BST1: variants seen among roughly 807,000 people sequenced by gnomAD.
BST1 encodes the protein bone marrow stromal cell antigen 1.
In BST1, 49 loss-of-function variants were observed where a neutral mutation model predicts 40.6. That is an observed-to-expected ratio of 1.21 (90% CI 0.96 to 1.53). BST1 has a LOEUF of 1.53. Ranked by LOEUF, BST1 falls within the 40% of genes most tolerant of loss-of-function variation. BST1 has a pLI of 0.00. For synonymous variants in BST1, 157 were observed against 159.3 expected, an observed-to-expected ratio of 0.99 and a Z score of 0.11; for missense variants, 423 against 395.9, an observed-to-expected ratio of 1.07 and a Z score of -0.58.
chr4:15,742,719 G>C (rs1025549591), downstream of BST1, among the ~76,000 whole-genome samples: 1 of 152,248 alleles, frequency 6.6e-6, no homozygotes, highest in Non-Finnish European at 1.5e-5. Flanking sequence ...AGTGGGAATT[G>C]AGTTAGGGAT....
intron 4 of BST1, among the ~76,000 whole-genome samples, chr4:15,713,599 G>C (rs1391488939): frequency 1.3e-5 from 2 of 152,206 alleles, no homozygotes; most frequent in African/African-American, 4.8e-5. Context: ...TTATGGAACT[G>C]ACAAGTAGGG....
chr4:15,742,800 A>T (rs567508264), downstream of BST1, among the ~76,000 whole-genome samples: 1 of 152,336 alleles, frequency 6.6e-6, no homozygotes, highest in African/African-American at 2.4e-5. Flanking sequence ...CTGCTGGGGA[A>T]CTAAGGCATA....
At chr4:15,728,266 A>G (rs1249946728) in intron 8 of BST1, among the ~76,000 whole-genome samples, 3 of 152,086 alleles carry the variant, frequency 2.0e-5, no homozygotes, top group African/African-American at 2.4e-5. Flanking sequence ...CAAATGAAAT[A>G]AACAACTGTT....
the BST1 span, among the ~76,000 whole-genome samples, chr4:15,760,992 A>G: frequency 1.3e-5 from 2 of 151,814 alleles, no homozygotes; most frequent in Non-Finnish European, 1.5e-5. Flanking sequence ...CACCCAGCCA[A>G]CATATTTTTG....
At chr4:15,730,530 T>C (rs944999490) in intron 8 of BST1, among the ~76,000 whole-genome samples, 1 of 152,234 alleles carries the variant, frequency 6.6e-6, no homozygotes, top group Non-Finnish European at 1.5e-5. Flanking sequence ...TGTACCAATA[T>C]GGAAGCATGT....
At chr4:15,753,553 T>C in the BST1 span, among the ~76,000 whole-genome samples, 2 of 152,178 alleles carry the variant, frequency 1.3e-5, no homozygotes, top group African/African-American at 4.8e-5. Flanking sequence ...GAGTAGGGTC[T>C]TTAAGAATGT....
At chr4:15,740,066 G>T (rs1265305562), downstream of BST1, among the ~76,000 whole-genome samples, 1 of 152,016 alleles carries the variant, frequency 6.6e-6, no homozygotes, top group Non-Finnish European at 1.5e-5. Flanking sequence ...TTAGTTGGGG[G>T]CAGGGGGGAC....
intron 3 of BST1, among the ~76,000 whole-genome samples, chr4:15,710,224 T>C (rs919732823): frequency 2.6e-5 from 4 of 152,128 alleles, no homozygotes; most frequent in African/African-American, 9.7e-5. Context: ...TCCTCCTGCC[T>C]CAGCCTCCCA....
downstream of BST1, among the ~76,000 whole-genome samples, chr4:15,739,175 A>G (rs1721673679): frequency 6.6e-6 from 1 of 152,234 alleles, no homozygotes; most frequent in Non-Finnish European, 1.5e-5. Context: ...AGACCTGGCA[A>G]GGGTTTCAAA....
downstream of BST1, chr4:15,738,340 A>G (rs1721642878): frequency 6.5e-6 from 1 of 152,732 alleles, no homozygotes; most frequent in African/African-American, 2.4e-5. Flanking sequence ...AATTTCAGAC[A>G]CTTGGGAAAA....
At position 15,729,486 on chromosome 4, in the gene BST1, C is replaced by T. The variant is rs144270699; in HGVS notation, c.852-2254C>T. 3.1e-3 allele frequency among the ~76,000 whole-genome samples: 469 copies of T among 152,128 alleles called. 2 individuals carry two copies. Among genetic ancestry groups the T allele is most frequent in the African/African-American group, 0.011 (441 of 41,482 alleles). On this transcript the variant is annotated intron_variant, in intron 8 of 8. Transcript: ENST00000265016. ...AATAATAATAATAATAATAACTTAA[C>T]CTGAAATAACTTGAGTTTAAAACAT...
the BST1 span, among the ~76,000 whole-genome samples, chr4:15,773,957 C>G: frequency 6.6e-6 from 1 of 152,178 alleles, no homozygotes; most frequent in East Asian, 1.9e-4. Context: ...GTGTACACCC[C>G]AAATTCATAT....
At chr4:15,737,729 GC>G (rs1721621212), downstream of BST1, 3 of 1,221,890 alleles carry the variant, frequency 2.5e-6, no homozygotes, top group African/African-American at 4.8e-5. Context: ...CTTACACTTG[GC>G]TGTATTCCCT....
At chr4:15,731,078 G>T in intron 8 of BST1, 1 of 485,180 alleles carries the variant, frequency 2.1e-6, no homozygotes, top group South Asian at 1.8e-5. Context: ...ACAGGCAGGT[G>T]ACTGTTACAC....
At chr4:15,770,677 G>T in the BST1 span, among the ~76,000 whole-genome samples, 1 of 152,174 alleles carries the variant, frequency 6.6e-6, no homozygotes, top group Middle Eastern at 3.2e-3. Flanking sequence ...TCCAGCCTGG[G>T]CAACAGAGTG....
rs559837145 is a variant in BST1 at position 15,718,116 on chromosome 4, T to A, written c.705-791T>A. The stretch of plus-strand genomic sequence containing the variant: ...ATTAGGACTCCACAGCAACAAAGTT[T>A]GTTGTAGTGTAAATGGTATCGAAAT... On this transcript the variant is annotated intron_variant, in intron 6 of 8. Coordinates refer to ENST00000265016, the MANE Select transcript of BST1 (RefSeq NM_004334.3). Among the ~76,000 whole-genome samples the A allele has an allele frequency of 2.6e-5, 4 of 152,304 alleles. No homozygotes were observed. The South Asian group carries it at 8.3e-4, about 32-fold the overall frequency.
At chr4:15,738,551 T>C (rs73801707), downstream of BST1, among the ~76,000 whole-genome samples, 2,398 of 152,156 alleles carry the variant, frequency 0.016, 58 homozygotes, top group African/African-American at 0.055. Flanking sequence ...TAAAAATATA[T>C]GTTGGAAGGC....
chr4:15,740,567 G>A (rs1721719700), downstream of BST1, among the ~76,000 whole-genome samples: 1 of 152,104 alleles, frequency 6.6e-6, no homozygotes, highest in South Asian at 2.1e-4. Context: ...ATATTTTCAG[G>A]TAGGGAGACT....
At chr4:15,739,365 T>G (rs1295184476), downstream of BST1, among the ~76,000 whole-genome samples, 3 of 152,196 alleles carry the variant, frequency 2.0e-5, no homozygotes. Flanking sequence ...GGAATATAGT[T>G]TTGTTTTTCC....
Sources: allele counts gnomAD v4.1 joint callset (sites outside exome capture counted in the v4.1 genomes callset), GRCh38; gene constraint gnomAD v4.1.1; transcripts MANE v1.5; gene names NCBI Gene and HGNC (gene_info 2026-07-23, HGNC 2026-07-21).